The following CHRM3 variants were observed in gnomAD, a reference collection of about 807,000 sequenced individuals.
CHRM3 encodes the protein cholinergic receptor muscarinic 3.
Under a neutral mutation model 41.8 loss-of-function variants are expected in CHRM3, and 11 were observed. The observed-to-expected ratio is 0.26, with a 90% CI of 0.17 to 0.44. The LOEUF is 0.44. CHRM3 is among the 20% of genes least tolerant of loss of function. The pLI is 1.00. For missense variants in CHRM3, 571 were observed against 745.4 expected, an observed-to-expected ratio of 0.77 and a Z score of 2.72; for synonymous variants, 297 against 301.4, an observed-to-expected ratio of 0.99 and a Z score of 0.15.
At chr1:239,395,541 C>T (rs1210182422) in intron 1 of CHRM3, among the ~76,000 whole-genome samples, 4 of 152,150 alleles carry the variant, frequency 2.6e-5, no homozygotes, top group Non-Finnish European at 5.9e-5. Context: ...TGGCTACTTT[C>T]CCCTCCTGCT....
intron 6 of CHRM3, among the ~76,000 whole-genome samples, chr1:239,888,569 A>C (rs2102924924): frequency 7.4e-6 from 1 of 135,978 alleles, no homozygotes; most frequent in East Asian, 2.2e-4. Context: ...CTGCACTCCA[A>C]CCTGGGCCAG....
rs566428482 is a variant in CHRM3, at chr1:239,818,510, G to A, written c.-146-8742G>A. ...CATATGGATGCGTCTGCCTCATCTT[G>A]GAGTCCTGCTCTCAGTGCAGTCCAT... On this transcript the variant is annotated intron_variant, in intron 5 of 6. Transcript: ENST00000676153. Among the ~76,000 whole-genome samples, 4 of 152,224 alleles carry A rather than the reference G, an allele frequency of 2.6e-5. No individual in the cohort carries two copies. In the South Asian group the frequency reaches 8.3e-4, roughly 32 times the overall value.
At chr1:239,847,511 G>T (rs1674363178) in intron 6 of CHRM3, among the ~76,000 whole-genome samples, 1 of 152,040 alleles carries the variant, frequency 6.6e-6, no homozygotes, top group African/African-American at 2.4e-5. Context: ...AAGGCGGAAG[G>T]GATAGGATGT....
chr1:239,759,321 A>G (rs1412245271), intron 5 of CHRM3, among the ~76,000 whole-genome samples: 1 of 151,400 alleles, frequency 6.6e-6, no homozygotes, highest in East Asian at 1.9e-4. Context: ...TTTTGAAAAA[A>G]AAAAAAGCTA....
intron 6 of CHRM3, among the ~76,000 whole-genome samples, chr1:239,864,574 A>C (rs1675934291): frequency 6.6e-6 from 1 of 151,960 alleles, no homozygotes. Flanking sequence ...ACATATATAC[A>C]TATATATGTA....
At chr1:239,741,017 C>CA (rs1664802613) in intron 5 of CHRM3, among the ~76,000 whole-genome samples, 2 of 152,070 alleles carry the variant, frequency 1.3e-5, no homozygotes, top group Non-Finnish European at 2.9e-5. Flanking sequence ...ACTAGTCTTC[C>CA]TAACTCTTTG....
At chr1:239,428,021 T>C (rs1403129218) in intron 1 of CHRM3, among the ~76,000 whole-genome samples, 3 of 152,136 alleles carry the variant, frequency 2.0e-5, no homozygotes, top group African/African-American at 7.2e-5. Flanking sequence ...TGTTTTTGCA[T>C]CTAACAGGAA....
chr1:239,684,004 A>G (rs922004483), intron 5 of CHRM3, among the ~76,000 whole-genome samples: 12 of 152,244 alleles, frequency 7.9e-5, no homozygotes, highest in African/African-American at 2.9e-4. Flanking sequence ...GTTAAATTAC[A>G]TTCTCCAGTA....
chr1:239,405,809 A>C (rs1337808867), intron 1 of CHRM3, among the ~76,000 whole-genome samples: 1 of 152,114 alleles, frequency 6.6e-6, no homozygotes, highest in Admixed American at 6.5e-5. Context: ...TGTATGTTTT[A>C]AATATGACCA....
intron 5 of CHRM3, among the ~76,000 whole-genome samples, chr1:239,745,385 T>A (rs1665254892): frequency 6.6e-6 from 1 of 152,040 alleles, no homozygotes; most frequent in Non-Finnish European, 1.5e-5. Flanking sequence ...AAAGTGATGG[T>A]CACGCGGTAT....
intron 3 of CHRM3, among the ~76,000 whole-genome samples, chr1:239,594,615 C>A (rs2148656595): frequency 6.6e-6 from 1 of 152,274 alleles, no homozygotes; most frequent in South Asian, 2.1e-4. Context: ...ATTTCAGATA[C>A]ATTTTGGGCC....
chr1:239,451,592 G>A (rs1451039713), intron 1 of CHRM3, among the ~76,000 whole-genome samples: 1 of 152,082 alleles, frequency 6.6e-6, no homozygotes, highest in African/African-American at 2.4e-5. Context: ...CACATGTAGA[G>A]CACTTGAAAC....
chr1:239,389,160 T>G (rs1469894652), intron 1 of CHRM3, among the ~76,000 whole-genome samples: 1 of 152,176 alleles, frequency 6.6e-6, no homozygotes, highest in Non-Finnish European at 1.5e-5. Flanking sequence ...TCTTTATAAA[T>G]TTTCTGTGTG....
intron 1 of CHRM3, among the ~76,000 whole-genome samples, chr1:239,407,392 A>T (rs1660676520): frequency 6.7e-6 from 1 of 148,384 alleles, no homozygotes; most frequent in South Asian, 2.1e-4. Flanking sequence ...GCTCTATGAG[A>T]CCAATGACTA....
chr1:239,795,826 T>G (rs1669723626), intron 5 of CHRM3, among the ~76,000 whole-genome samples: 1 of 152,226 alleles, frequency 6.6e-6, no homozygotes, highest in South Asian at 2.1e-4. Flanking sequence ...GAAATAAAAT[T>G]GAAATTTTGT....
At chr1:239,823,486 A>G (rs961375158) in intron 5 of CHRM3, among the ~76,000 whole-genome samples, 3 of 152,150 alleles carry the variant, frequency 2.0e-5, no homozygotes, top group South Asian at 4.2e-4. Context: ...CTGGTTTTCT[A>G]TGCATTTCGT....
intron 3 of CHRM3, among the ~76,000 whole-genome samples, chr1:239,578,630 G>A (rs931045477): frequency 3.9e-5 from 6 of 152,156 alleles, no homozygotes; most frequent in Non-Finnish European, 7.3e-5. Context: ...CGAGTGTATA[G>A]ATCATGATGT....
intron 3 of CHRM3, among the ~76,000 whole-genome samples, chr1:239,603,917 C>T (rs191809685): frequency 1.6e-3 from 240 of 152,022 alleles, no homozygotes; most frequent in African/African-American, 2.0e-3. Context: ...AATTATGGTC[C>T]AAGTTCTATT....
chr1:239,809,656 C>A (rs1670957565), intron 5 of CHRM3, among the ~76,000 whole-genome samples: 1 of 152,002 alleles, frequency 6.6e-6, no homozygotes, highest in Non-Finnish European at 1.5e-5. Flanking sequence ...CGTCACACCA[C>A]CTGACTAATT....
Sources: allele counts gnomAD v4.1 joint callset (sites outside exome capture counted in the v4.1 genomes callset), GRCh38; gene constraint gnomAD v4.1.1; transcripts MANE v1.5; gene names NCBI Gene and HGNC (gene_info 2026-07-23, HGNC 2026-07-21).